C1orf35: variants seen among roughly 807,000 people sequenced by gnomAD.
C1orf35 encodes multiple myeloma tumor-associated protein 2.
In C1orf35, 36 loss-of-function variants were observed where a neutral mutation model predicts 30.9. That is an observed-to-expected ratio of 1.16 (90% CI 0.89 to 1.54). The LOEUF is 1.54. Among genes scored for constraint, C1orf35 ranks in the 40% most tolerant of loss-of-function variants. The pLI is 0.00. For missense variants in C1orf35, 396 were observed against 358.7 expected, an observed-to-expected ratio of 1.10 and a Z score of -0.84; for synonymous variants, 179 against 148.2, an observed-to-expected ratio of 1.21 and a Z score of -1.51.
chr1:228,101,558 C>T lies in C1orf35; in HGVS notation c.534-85G>A, dbSNP rs963068041. On this transcript the variant is annotated intron_variant, in intron 6 of 7. Transcript: ENST00000272139. ...ACAAGCAGGCCCCATCCAGATGAAG[C>T]CACCACCCACAAGTGCGTCTTTAAA... The T allele has an allele frequency of 2.5e-6, 4 of 1,571,220 alleles. No individual in the cohort carries two copies. In the Admixed American group the frequency reaches 5.4e-5, roughly 21 times the overall value.
chr1:228,101,541 G>A, intron 6 of C1orf35, 68 bp from the exon 7 acceptor site: 1 of 1,587,538 alleles, frequency 6.3e-7, no homozygotes, highest in Non-Finnish European at 8.5e-7. Context: ...ACACAAGCAG[G>A]CCCCATCCAG....
chr1:228,102,893 A>G lies in C1orf35; in HGVS notation c.245+6T>C. 1.4e-6 allele frequency: 2 copies of G among 1,408,480 alleles called. No individual in the cohort carries two copies. Among genetic ancestry groups the G allele is most frequent in the Non-Finnish European group, 1.8e-6 (2 of 1,088,236 alleles). The allele number at this position is 1,408,480 out of a possible 1,614,324, so 87.2% of individuals were successfully genotyped here. A position where few individuals can be genotyped will look rare whatever the true frequency, so the allele number is the denominator to read the frequency against. On this transcript the variant is annotated splice_donor_region_variant and intron_variant, in intron 2 of 7. Transcript: ENST00000272139. ...GCACCGACCGCTGCCGTCCGCGGAC[A>G]CTCACAGGGCGGCCAGCAGCGCCTC...
At position 228,103,309 on chromosome 1, in the gene C1orf35, G is replaced by C. The variant is rs1341947407; in HGVS notation, c.-82C>G. ...CGAGACCCGCTACCCACTACCGTCG[G>C]ACCCAGGCCCGACCCCGCCTCCGCG... is the stretch of plus-strand genomic sequence containing the variant. On this transcript the variant is annotated 5_prime_UTR_variant, in exon 1 of 8. Coordinates refer to ENST00000272139, the MANE Select transcript of C1orf35 (RefSeq NM_024319.4). The C allele has an allele frequency of 2.0e-6, 3 of 1,500,206 alleles. No homozygotes were observed. Among genetic ancestry groups the C allele is most frequent in the East Asian group, 5.0e-5 (2 of 40,138 alleles). 92.9% of individuals were successfully genotyped at this position (1,500,206 alleles called of 1,614,324 possible). A position where few individuals can be genotyped will look rare whatever the true frequency, so the allele number is the denominator to read the frequency against.
intron 1 of C1orf35, 26 bp from the exon 2 acceptor site, chr1:228,103,075 A>C: frequency 6.2e-7 from 1 of 1,605,614 alleles, no homozygotes; most frequent in Non-Finnish European, 8.5e-7. Context: ...CTGTGAGTCC[A>C]GCGCCCGCCC....
intron 6 of C1orf35, chr1:228,101,858 C>T: frequency 7.0e-7 from 1 of 1,418,824 alleles, no homozygotes; most frequent in South Asian, 1.6e-5. Context: ...CACGGCACAG[C>T]GCCCGACCAC....
At position 228,103,304 on chromosome 1, in the gene C1orf35, C is replaced by T. The variant is rs1286580434; in HGVS notation, c.-77G>A. 23 of 1,533,024 alleles carry T rather than the reference C, an allele frequency of 1.5e-5. No homozygotes were observed. Among genetic ancestry groups the T allele is most frequent in the Admixed American group, 1.9e-5 (1 of 52,498 alleles). The allele number at this position is 1,533,024 out of a possible 1,614,324, so 95.0% of individuals were successfully genotyped here. ...CAACCCGAGACCCGCTACCCACTAC[C>T]GTCGGACCCAGGCCCGACCCCGCCT... On this transcript the variant is annotated 5_prime_UTR_variant, in exon 1 of 8. Coordinates refer to ENST00000272139, the MANE Select transcript of C1orf35 (RefSeq NM_024319.4).
intron 6 of C1orf35, chr1:228,101,718 G>A: frequency 8.4e-6 from 12 of 1,424,692 alleles, no homozygotes; most frequent in Non-Finnish European, 9.1e-6. Flanking sequence ...GCCCTTGGCA[G>A]GTTGACACCT....
chr1:228,103,110 A>G (rs1571850971), intron 1 of C1orf35, 24 bp downstream of exon 1: 1 of 1,608,720 alleles, frequency 6.2e-7, no homozygotes, highest in Non-Finnish European at 8.5e-7. Context: ...CGGAGCCCGG[A>G]GCCCGCCCAC....
At chr1:228,102,863 C>A in intron 2 of C1orf35, 36 bp downstream of exon 2, 1 of 1,384,026 alleles carries the variant, frequency 7.2e-7, no homozygotes, top group Non-Finnish European at 9.3e-7. Context: ...GCAGCGCCGT[C>A]CCAGGCACCG....
Position 228,103,127 on chromosome 1 carries a change from C to A in C1orf35, c.94+7G>T. On this transcript the variant is annotated splice_region_variant and intron_variant, in intron 1 of 7. Coordinates refer to ENST00000272139, the MANE Select transcript of C1orf35 (RefSeq NM_024319.4). ...GAGCCCGGAGCCCGCCCACCGCGCG[C>A]ACCCACCCAGGTAGTTCTCCCGCTG... 6.2e-7 allele frequency: 1 copy of A among 1,610,426 alleles called. No individual in the cohort carries two copies. Among genetic ancestry groups the A allele is most frequent in the Non-Finnish European group, 8.5e-7 (1 of 1,179,092 alleles).
intron 5 of C1orf35, 59 bp from the exon 6 acceptor site, chr1:228,102,224 C>A: frequency 1.9e-6 from 3 of 1,565,082 alleles, no homozygotes; most frequent in Non-Finnish European, 2.6e-6. Context: ...CCACGCCCCG[C>A]AGCGCCCCGG....
chr1:228,101,044 C>T lies in C1orf35; in HGVS notation c.*87G>A. 2 of 1,573,350 alleles carry T rather than the reference C, an allele frequency of 1.3e-6. No individual in the cohort carries two copies. Among genetic ancestry groups the T allele is most frequent in the Non-Finnish European group, 1.7e-6 (2 of 1,161,634 alleles). On this transcript the variant is annotated 3_prime_UTR_variant, in exon 8 of 8. Transcript: ENST00000272139. ...CACAGGAGCAGCCTCGGGCTTCACC[C>T]ACACCCAAGGAGCTTCCGAGGCAGG...
rs778269281 is a variant in C1orf35 at position 228,101,438 on chromosome 1, T to C, written c.569A>G (p.Lys190Arg). The C allele has an allele frequency of 2.5e-6, 4 of 1,613,626 alleles. No homozygotes were observed. The Admixed American group carries it at 6.7e-5, about 27-fold the overall frequency. ...CTTGTGTTTCCTCTTTTTCTTTTTCTTCTTCTCCTTCTTGCTTTTCCTGTG... is the reference window on the plus strand; with the variant it reads ...CTTGTGTTTCCTCTTTTTCTTTTTCCTCTTCTCCTTCTTGCTTTTCCTGTG... ...ESHRKSKKEK[K>R]KKKKRKHKKE... Residue 190 changes from lysine (K) to arginine (R), a missense_variant, in exon 7 of 8, where the codon AAG (lysine) becomes AGG (arginine). Lys to Arg is a conservative substitution (Grantham distance 26). Coordinates refer to ENST00000272139, the MANE Select transcript of C1orf35 (RefSeq NM_024319.4).
In C1orf35 at chr1:228,102,693, G is replaced by C; in HGVS notation, c.246-5C>G. 3.1e-6 allele frequency: 5 copies of C among 1,606,114 alleles called. No homozygotes were observed. The Middle Eastern group carries it at 8.8e-4, about 283-fold the overall frequency. ...TTCTTCACGTTCTTGTAGCCACTGC[G>C]AGAGGGCCGGGGCAGGCGTCAGGAC... On this transcript the variant is annotated splice_polypyrimidine_tract_variant and splice_region_variant and intron_variant, in intron 2 of 7. Transcript: ENST00000272139.
chr1:228,102,287 G>C, intron 5 of C1orf35, 23 bp downstream of exon 5: 2 of 1,608,530 alleles, frequency 1.2e-6, no homozygotes, highest in Non-Finnish European at 1.7e-6. Context: ...CCCCTGCTGC[G>C]GTCAGGCGGG....
chr1:228,101,882 G>A, intron 6 of C1orf35, 198 bp downstream of exon 6: 2 of 1,420,846 alleles, frequency 1.4e-6, no homozygotes, highest in Non-Finnish European at 1.8e-6. Context: ...CAGTACTTAG[G>A]ACCTCTCTTC....
Position 228,102,985 on chromosome 1 carries a change from C to T in C1orf35, c.159G>A (p.Lys53=), listed in dbSNP as rs977407784. The T allele has an allele frequency of 1.1e-5, 17 of 1,543,130 alleles. No individual in the cohort carries two copies. Among genetic ancestry groups the T allele is most frequent in the African/African-American group, 2.8e-5 (2 of 72,012 alleles). Residue 53 remains lysine, a synonymous_variant, in exon 2 of 8, where the codon AAG becomes AAA. Transcript: ENST00000272139. ...TCGGGCCCGCGCATGGCGCCCGGCC[C>T]TTGGCGTACCAGGTGAGGTCGCGGC... ...QKGRDLTWYA[K]GRAPCAGPSR...
In C1orf35 at chr1:228,103,238, AGGCAGTTGCCTGG is replaced by A; in HGVS notation, c.-24_-12del. On this transcript the variant is annotated 5_prime_UTR_variant, in exon 1 of 8. Coordinates refer to ENST00000272139, the MANE Select transcript of C1orf35 (RefSeq NM_024319.4). ...ACTGGAGCCGAACATGGCGCCGGGA[AGGCAGTTGCCTGG>A]GGCCTGCGGCTTGCAACCTGCAACC... is the stretch of plus-strand genomic sequence containing the variant. 1 of 1,608,804 alleles carries A rather than the reference AGGCAGTTGCCTGG, an allele frequency of 6.2e-7. No individual in the cohort carries two copies. Among genetic ancestry groups the A allele is most frequent in the Non-Finnish European group, 8.5e-7 (1 of 1,178,648 alleles).
Position 228,102,570 on chromosome 1 carries a change from C to G in C1orf35, c.292-10G>C. ...AGACCTCCGCGAAGTCCTGCAGGTG[C>G]GAGAGCACAGGGAGCGCTCGAGTCG... On this transcript the variant is annotated splice_polypyrimidine_tract_variant and intron_variant, in intron 3 of 7. Coordinates refer to ENST00000272139, the MANE Select transcript of C1orf35 (RefSeq NM_024319.4). 2 of 1,568,804 alleles carry G rather than the reference C, an allele frequency of 1.3e-6. No homozygotes were observed. The highest frequency in any genetic ancestry group is 1.7e-6 in the Non-Finnish European group (2 of 1,160,276).
Sources: gnomAD v4.1 joint callset for allele counts on GRCh38, gnomAD v4.1.1 for gene constraint, MANE v1.5 for transcripts, NCBI Gene and HGNC (gene_info 2026-07-23, HGNC 2026-07-21) for gene names.